ACTR3: variants seen among roughly 807,000 people sequenced by gnomAD.
ACTR3 encodes actin related protein 3, also known as actin-related protein 3.
In ACTR3, 12 loss-of-function variants were observed where a neutral mutation model predicts 56.8. The observed-to-expected ratio is 0.21, with a 90% confidence interval of 0.14 to 0.34. The LOEUF (loss-of-function observed/expected upper bound fraction) is 0.34. Ranked by LOEUF, ACTR3 falls within the 10% of genes least tolerant of loss-of-function variation. The probability of loss-of-function intolerance (pLI) is 1.00; values close to 1 mark genes in which losing one functional copy is unlikely to be tolerated. For synonymous variants in ACTR3, 162 were observed against 167.4 expected (o/e 0.97, Z 0.25); for missense variants, 282 against 512.5 (o/e 0.55, Z 4.34).
chr2:113,914,701 A>G (rs529246374), intron 2 of ACTR3, among the ~76,000 whole-genome samples: 1 of 151,772 alleles, frequency 6.6e-6, no homozygotes, highest in East Asian at 1.9e-4. Context: ...TAGGGTTTTT[A>G]TCTACTCCTC....
At chr2:113,909,869 A>G (rs1019693210) in intron 1 of ACTR3, among the ~76,000 whole-genome samples, 2 of 152,218 alleles carry the variant, frequency 1.3e-5, no homozygotes, top group Non-Finnish European at 2.9e-5. Context: ...CAATTTTACA[A>G]TGAACAATTT....
chr2:113,938,383 A>G (rs1309744330), intron 6 of ACTR3, among the ~76,000 whole-genome samples: 1 of 151,948 alleles, frequency 6.6e-6, no homozygotes, highest in African/African-American at 2.4e-5. Context: ...CACTCTATAC[A>G]TTGTTGTGTA....
chr2:113,936,932 C>A (rs1044726887), intron 6 of ACTR3, among the ~76,000 whole-genome samples: 7 of 152,012 alleles, frequency 4.6e-5, no homozygotes, highest in Non-Finnish European at 7.4e-5. Context: ...TTAAGGACAC[C>A]ACTTATATTG....
chr2:113,923,348 TTG>T (rs1679547288), intron 3 of ACTR3, among the ~76,000 whole-genome samples: 1 of 34,840 alleles, frequency 2.9e-5, no homozygotes, highest in Admixed American at 3.3e-4. Context: ...GTTTGTTTGT[TTG>T]TTTTTGAGAC....
At chr2:113,904,680 A>G (rs1679161767) in intron 1 of ACTR3, 1 of 152,232 alleles carries the variant, frequency 6.6e-6, no homozygotes, top group Non-Finnish European at 1.5e-5. Flanking sequence ...AAGTGGCTGC[A>G]TCATTTTGCA....
rs1329641142 is a variant in ACTR3, at chr2:113,958,048, A to G, written c.*593A>G. On this transcript the variant is annotated 3_prime_UTR_variant, in exon 12 of 12. Transcript: ENST00000263238. ...GCAAGTGCTTTTGGAACTAAGAGCT[A>G]GTATCTTGGATTAACTGATGCCTGC... The G allele has an allele frequency of 1.3e-5, 2 of 152,476 alleles. No homozygotes were observed. The highest frequency in any genetic ancestry group is 2.9e-5 in the Non-Finnish European group (2 of 68,146). The allele number at this position is 152,476 out of a possible 1,614,324, so 9.4% of individuals were successfully genotyped here.
In ACTR3 at chr2:113,959,973, G is replaced by C. The variant is rs1680296828; in HGVS notation, c.*2518G>C. 1 of 151,894 alleles carries C rather than the reference G, an allele frequency of 6.6e-6. No individual in the cohort carries two copies. Among genetic ancestry groups the C allele is most frequent in the African/African-American group, 2.4e-5 (1 of 41,388 alleles). The allele number at this position is 151,894 out of a possible 1,614,324, so 9.4% of individuals were successfully genotyped here. ...TGATTCAATTTATATATAAGGTAAAGGCATTATACTGGATTATCCTGCAAT... is the reference window on the plus strand; with the variant it reads ...TGATTCAATTTATATATAAGGTAAACGCATTATACTGGATTATCCTGCAAT... On this transcript the variant is annotated 3_prime_UTR_variant, in exon 12 of 12. Coordinates refer to ENST00000263238, the MANE Select transcript of ACTR3 (RefSeq NM_005721.5).
chr2:113,959,403 C>T lies in ACTR3; in HGVS notation c.*1948C>T, dbSNP rs1419629664. ...TAGCATTGTCATAAATATGTCTTTT[C>T]CACCGGCGATGGTTGGGTAGTTAAG... is the stretch of plus-strand genomic sequence containing the variant. On this transcript the variant is annotated 3_prime_UTR_variant, in exon 12 of 12. Transcript: ENST00000263238. 1 of 151,950 alleles carries T rather than the reference C, an allele frequency of 6.6e-6. No individual in the cohort carries two copies. Among genetic ancestry groups the T allele is most frequent in the Non-Finnish European group, 1.5e-5 (1 of 67,892 alleles). The allele number at this position is 151,950 out of a possible 1,614,324, so 9.4% of individuals were successfully genotyped here.
chr2:113,957,468 A>G lies in ACTR3; in HGVS notation c.*13A>G, dbSNP rs1008525166. The G allele has an allele frequency of 5.6e-6, 9 of 1,605,910 alleles. No individual in the cohort carries two copies. The highest frequency in any genetic ancestry group is 7.7e-6 in the Non-Finnish European group (9 of 1,173,112). Reference sequence around the variant, plus strand: ...AGTCATGTCGTAAAATTGGCTTCATAGTTATTGGGGTTAGGGAGGTGGGGA... The same window carrying G: ...AGTCATGTCGTAAAATTGGCTTCATGGTTATTGGGGTTAGGGAGGTGGGGA... On this transcript the variant is annotated 3_prime_UTR_variant, in exon 12 of 12. Coordinates refer to ENST00000263238, the MANE Select transcript of ACTR3 (RefSeq NM_005721.5).
At chr2:113,914,614 CAAAAAAAAAAAAAA>C (rs55784117) in intron 2 of ACTR3, among the ~76,000 whole-genome samples, 3 of 69,230 alleles carry the variant, frequency 4.3e-5, no homozygotes, top group Admixed American at 3.1e-4. Context: ...GACTCAGTCT[CAAAAAAAAAAAAAA>C]AAAAAGAAAG....
chr2:113,919,445 C>G (rs912129323), intron 3 of ACTR3, among the ~76,000 whole-genome samples: 1 of 151,942 alleles, frequency 6.6e-6, no homozygotes, highest in Admixed American at 6.6e-5. Context: ...TTCCTATATT[C>G]TAGGGATTCT....
At chr2:113,905,190 T>C (rs1049056484) in intron 1 of ACTR3, 5 of 152,222 alleles carry the variant, frequency 3.3e-5, no homozygotes, top group African/African-American at 4.8e-5. Flanking sequence ...TGCTTTAACA[T>C]GTGCGGTAGG....
chr2:113,901,764 G>A (rs536806042), intron 1 of ACTR3, among the ~76,000 whole-genome samples: 1 of 152,310 alleles, frequency 6.6e-6, no homozygotes, highest in Admixed American at 6.5e-5. Context: ...GGCACAGGCA[G>A]AGTAGATTTA....
chr2:113,945,423 A>G (rs958211269), intron 8 of ACTR3, among the ~76,000 whole-genome samples: 43 of 152,174 alleles, frequency 2.8e-4, no homozygotes, highest in Non-Finnish European at 5.1e-4. Context: ...AGTGGTTTAA[A>G]TGCTAGCCTC....
At chr2:113,927,105 T>C (rs1466144004) in intron 3 of ACTR3, among the ~76,000 whole-genome samples, 1 of 152,180 alleles carries the variant, frequency 6.6e-6, no homozygotes, top group Admixed American at 6.5e-5. Flanking sequence ...ATTTAACAGT[T>C]TTTAACATTT....
At chr2:113,912,899 A>G (rs956015825) in intron 1 of ACTR3, among the ~76,000 whole-genome samples, 2 of 107,242 alleles carry the variant, frequency 1.9e-5, no homozygotes, top group Non-Finnish European at 3.3e-5. Flanking sequence ...TGCTGTTAGA[A>G]GCAAGATTGT....
chr2:113,925,331 G>A (rs1679597889), intron 3 of ACTR3, among the ~76,000 whole-genome samples: 1 of 151,642 alleles, frequency 6.6e-6, no homozygotes. Flanking sequence ...GAGTAGCTGG[G>A]ATTATAGGCA....
Position 113,960,796 on chromosome 2 carries a change from G to T in ACTR3, c.*3341G>T, listed in dbSNP as rs1680311883. The T allele has an allele frequency of 2.0e-5, 3 of 151,826 alleles. No individual in the cohort carries two copies. Among genetic ancestry groups the T allele is most frequent in the South Asian group, 2.1e-4 (1 of 4,814 alleles). 9.4% of individuals were successfully genotyped at this position (151,826 alleles called of 1,614,324 possible). Reference sequence around the variant, plus strand: ...TGTTACCACCCAGATTTCCAACTCGGGTTAATTGGTACTAATTCTATTAGC... The same window carrying T: ...TGTTACCACCCAGATTTCCAACTCGTGTTAATTGGTACTAATTCTATTAGC... On this transcript the variant is annotated 3_prime_UTR_variant, in exon 12 of 12. Transcript: ENST00000263238.
intron 2 of ACTR3, among the ~76,000 whole-genome samples, chr2:113,913,836 A>G (rs535680931): frequency 6.6e-6 from 1 of 152,330 alleles, no homozygotes; most frequent in Non-Finnish European, 1.5e-5. Context: ...ATATTCTGAC[A>G]TTGGTTTGTT....
Sources: allele counts gnomAD v4.1 joint callset (sites outside exome capture counted in the v4.1 genomes callset), GRCh38; gene constraint gnomAD v4.1.1; transcripts MANE v1.5; gene names NCBI Gene and HGNC (gene_info 2026-07-23, HGNC 2026-07-21).